The following AHNAK variants were observed in gnomAD, a reference collection of about 807,000 sequenced individuals.
AHNAK encodes AHNAK nucleoprotein, also known as neuroblast differentiation-associated protein AHNAK.
Under a neutral mutation model 37.8 loss-of-function variants are expected in AHNAK, and 23 were observed. The ratio of observed to expected loss-of-function variants is 0.61; its 90% CI spans 0.44 to 0.86. The LOEUF (loss-of-function observed/expected upper bound fraction) is 0.86, where lower values mean the gene tolerates loss of function less well. Among genes scored for constraint, AHNAK ranks in the 40% least tolerant of loss-of-function variants. The probability of loss-of-function intolerance (pLI) is 0.00; values close to 1 mark genes in which losing one functional copy is unlikely to be tolerated. For missense variants in AHNAK, 7,411 were observed against 7,319.4 expected (o/e 1.01, Z -0.46); for synonymous variants, 2,481 against 2,636.3 (o/e 0.94, Z 1.80).
At chr11:62,441,211 AG>A (rs1420921208) in intron 5 of AHNAK, among the ~76,000 whole-genome samples, 1 of 151,842 alleles carries the variant, frequency 6.6e-6, no homozygotes, top group African/African-American at 2.4e-5. Flanking sequence ...CATGTTGGCC[AG>A]GCTAGTCTCG....
Position 62,522,206 on chromosome 11 carries a change from G to A in AHNAK, c.12211C>T (p.Pro4071Ser). The A allele has an allele frequency of 6.2e-7, 1 of 1,613,018 alleles. No homozygotes were observed. The highest frequency in any genetic ancestry group is 8.5e-7 in the Non-Finnish European group (1 of 1,179,810). ...TCTGGGCCCTCTCCTTTAAATCCTGGCATGCTGAATTTGGGCATTTTCACC... is the reference window on the plus strand; with the variant it reads ...TCTGGGCCCTCTCCTTTAAATCCTGACATGCTGAATTTGGGCATTTTCACC... ...PKVKMPKFSM[P>S]GFKGEGPEVD... Residue 4071 changes from proline to serine, a missense_variant, in exon 5 of 5, where the codon CCA becomes TCA. By Grantham distance (74) the Pro-to-Ser change is moderately conservative. Transcript: ENST00000378024.
In AHNAK at chr11:62,519,754, G is replaced by A. The variant is rs554444712; in HGVS notation, c.14663C>T (p.Pro4888Leu). 1 of 1,613,204 alleles carries A rather than the reference G, an allele frequency of 6.2e-7. No homozygotes were observed. The highest frequency in any genetic ancestry group is 2.2e-5 in the East Asian group (1 of 44,864). ...LKGPEVDLKG[P>L]RLDFEGPDAK... ...ATCAGGGCCTTCGAAATCCAGACGT[G>A]GACCTTTAAGATCTACTTCTGGGCC... Residue 4888 changes from proline (P) to leucine (L), a missense_variant, in exon 5 of 5, where the codon CCA becomes CTA. Pro to Leu is a moderately conservative substitution (Grantham distance 98). Coordinates refer to ENST00000378024, the MANE Select transcript of AHNAK (RefSeq NM_001620.3).
chr11:62,435,502 C>G (rs1242645075), intron 5 of AHNAK, among the ~76,000 whole-genome samples: 1 of 152,020 alleles, frequency 6.6e-6, no homozygotes, highest in Non-Finnish European at 1.5e-5. Flanking sequence ...GCTCCGCCCC[C>G]CGGGGTTCCC....
intron 4 of AHNAK, among the ~76,000 whole-genome samples, chr11:62,508,075 T>C (rs893787806): frequency 3.3e-5 from 5 of 152,166 alleles, no homozygotes; most frequent in African/African-American, 9.7e-5. Flanking sequence ...TCCCAAAGCA[T>C]TGGGATTACA....
chr11:62,502,224 G>A (rs557349464), intron 4 of AHNAK, among the ~76,000 whole-genome samples: 1 of 152,180 alleles, frequency 6.6e-6, no homozygotes, highest in African/African-American at 2.4e-5. Context: ...AGTCCTGGGG[G>A]CTGGAATGGT....
chr11:62,521,600 C>G lies in AHNAK; in HGVS notation c.12817G>C (p.Gly4273Arg). Residue 4273 changes from glycine to arginine, a missense_variant, in exon 5 of 5, where the codon GGT (glycine) becomes CGT (arginine). Transcript: ENST00000378024. ...TTAGGAAGGGAAACATCCACATCAC[C>G]CTTCACCTTGGGACCTTTCAGATGC... ...DLHLKGPKVK[G>R]DVDVSLPKVE... The G allele has an allele frequency of 6.2e-7, 1 of 1,612,054 alleles. No individual in the cohort carries two copies. Among genetic ancestry groups the G allele is most frequent in the Non-Finnish European group, 8.5e-7 (1 of 1,179,608 alleles).
chr11:62,442,155 T>C (rs576896066), intron 5 of AHNAK, among the ~76,000 whole-genome samples: 8 of 152,356 alleles, frequency 5.3e-5, no homozygotes, highest in African/African-American at 1.7e-4. Context: ...CAGTTCCGTC[T>C]GTACTTATTT....
At position 62,532,379 on chromosome 11, in the gene AHNAK, G is replaced by C. The variant is rs368973941; in HGVS notation, c.2038C>G (p.Leu680Val). ...GGCAGCTTAACATCGGGGCCTTTAA[G>C]TTTTCCCCCCAGACCCTCCAAGTTG... is the stretch of plus-strand genomic sequence containing the variant. ...DVNLEGLGGK[L>V]KGPDVKLPDM... Residue 680 changes from leucine to valine, a missense_variant, in exon 5 of 5, where the codon CTT (leucine) becomes GTT (valine). Transcript: ENST00000378024. 1 of 1,614,084 alleles carries C rather than the reference G, an allele frequency of 6.2e-7. No individual in the cohort carries two copies. The highest frequency in any genetic ancestry group is 1.1e-5 in the South Asian group (1 of 91,080).
intron 1 of AHNAK, among the ~76,000 whole-genome samples, chr11:62,545,342 G>GCC (rs1941272772): frequency 6.6e-6 from 1 of 152,202 alleles, no homozygotes; most frequent in Admixed American, 6.5e-5. Context: ...ACACCCATCT[G>GCC]CCCCCTCCGC....
At chr11:62,536,256 G>A (rs1250634493) in intron 2 of AHNAK, 158 bp from the exon 3 acceptor site, 51 of 689,702 alleles carry the variant, frequency 7.4e-5, no homozygotes, top group Non-Finnish European at 1.1e-4. Context: ...GTGAGGTGTT[G>A]GGGGTGGGGT....
rs951718776 is a variant in AHNAK, at chr11:62,541,153, A to G, written c.-99-4586T>C. Among the ~76,000 whole-genome samples, 7 of 152,018 alleles carry G rather than the reference A, an allele frequency of 4.6e-5. No homozygotes were observed. The South Asian group carries it at 1.0e-3, about 23-fold the overall frequency. Reference sequence around the variant, plus strand: ...GGAGATGACAGGAATTGAAACACACACTCCCCCAGAGACAGGCCACAGGCC... The same window carrying G: ...GGAGATGACAGGAATTGAAACACACGCTCCCCCAGAGACAGGCCACAGGCC... On this transcript the variant is annotated intron_variant, in intron 1 of 4. Transcript: ENST00000378024.
chr11:62,494,108 T>C (rs1369975896), intron 4 of AHNAK, among the ~76,000 whole-genome samples: 2 of 152,134 alleles, frequency 1.3e-5, no homozygotes, highest in East Asian at 3.8e-4. Context: ...TGCATTTCTC[T>C]AACAATCGAT....
In AHNAK at chr11:62,439,654, AT is replaced by A. The variant is rs1273023981; in HGVS notation, c.443-5764del. Among the ~76,000 whole-genome samples the A allele has an allele frequency of 5.5e-5, 7 of 127,246 alleles. No homozygotes were observed. The Admixed American group carries it at 5.8e-4, about 11-fold the overall frequency. The allele number at this position is 127,246 out of a possible 152,430, so 83.5% of individuals were successfully genotyped here. A position where few individuals can be genotyped will look rare whatever the true frequency, so the allele number is the denominator to read the frequency against. On this transcript the variant is annotated intron_variant, in intron 5 of 5. Transcript: ENST00000257247. ...TGTCTTTCTTTTTGGTTTGTTTTGG[AT>A]TTTTGTGTGATTTTTTTTTTTTTTT...
At chr11:62,470,353 A>G (rs1237105061) in intron 5 of AHNAK, among the ~76,000 whole-genome samples, 1 of 152,072 alleles carries the variant, frequency 6.6e-6, no homozygotes, top group Non-Finnish European at 1.5e-5. Flanking sequence ...GGTTGAGGCA[A>G]GAGAATCGCT....
rs371314754 is a variant in AHNAK, at chr11:62,519,195, G to A, written c.15222C>T (p.Asp5074=). The A allele has an allele frequency of 9.3e-6, 15 of 1,612,898 alleles. No homozygotes were observed. In the Admixed American group the frequency reaches 1.0e-4, roughly 11 times the overall value. The change falls in exon 5 of 5, where the codon GAC becomes GAT. Residue 5074 remains aspartate (D), a synonymous_variant. Coordinates refer to ENST00000378024, the MANE Select transcript of AHNAK (RefSeq NM_001620.3). ...IAGPDAALKV[D]VKSPKTKKTM... is the part of the protein sequence containing the mutation. ...TTTTCTTGGTTTTGGGCGATTTCAC[G>A]TCGACTTTGAGTGCAGCATCCGGCC...
At position 62,521,627 on chromosome 11, in the gene AHNAK, A is replaced by G. The variant is rs1432441302; in HGVS notation, c.12790T>C (p.Leu4264=). 6 of 1,612,028 alleles carry G rather than the reference A, an allele frequency of 3.7e-6. No individual in the cohort carries two copies. The highest frequency in any genetic ancestry group is 5.1e-6 in the Non-Finnish European group (6 of 1,179,498). ...APKISMPDFD[L]HLKGPKVKGD... ...TTCACCTTGGGACCTTTCAGATGCA[A>G]ATCAAAGTCAGGCATGGAGATCTTG... is the stretch of plus-strand genomic sequence containing the variant. Residue 4264 remains leucine, a synonymous_variant, in exon 5 of 5, where the codon TTG becomes CTG. Transcript: ENST00000378024.
In AHNAK at chr11:62,522,850, A is replaced by G; in HGVS notation, c.11567T>C (p.Leu3856Ser). 3 of 1,611,984 alleles carry G rather than the reference A, an allele frequency of 1.9e-6. No individual in the cohort carries two copies. Among genetic ancestry groups the G allele is most frequent in the Non-Finnish European group, 2.5e-6 (3 of 1,179,502 alleles). ...AGGCATCTTGAATTTGGGACCTTTC[A>G]ACTTTCCCTCTGGGCCTTCGATATT... ...DVNIEGPEGK[L>S]KGPKFKMPEM... is the part of the protein sequence containing the mutation. Residue 3856 changes from leucine to serine, a missense_variant, in exon 5 of 5, where the codon TTG becomes TCG. Leu to Ser is a moderately radical substitution (Grantham distance 145, BLOSUM62 -2). Transcript: ENST00000378024.
rs368036186 is a variant in AHNAK, at chr11:62,517,852, T to G, written c.16565A>C (p.Glu5522Ala). 1 of 1,614,042 alleles carries G rather than the reference T, an allele frequency of 6.2e-7. No individual in the cohort carries two copies. The highest frequency in any genetic ancestry group is 8.5e-7 in the Non-Finnish European group (1 of 1,180,024). ...TGAACCTTTCAGACCACCTTTGATT[T>G]CAGGCCCAGAAATCTGCCCAGTTGG... The part of the protein sequence containing the change: ...KLPTGQISGP[E>A]IKGGLKGSEV... Residue 5522 changes from glutamate to alanine, a missense_variant, in exon 5 of 5, where the codon GAA becomes GCA. Physicochemically the swap from Glu to Ala is moderately radical, Grantham distance 107. Transcript: ENST00000378024.
At position 62,519,658 on chromosome 11, in the gene AHNAK, T is replaced by C. The variant is rs145447313; in HGVS notation, c.14759A>G (p.Asp4920Gly). 7.4e-6 allele frequency: 12 copies of C among 1,613,986 alleles called. No individual in the cohort carries two copies. The highest frequency in any genetic ancestry group is 9.3e-6 in the Non-Finnish European group (11 of 1,179,976). Residue 4920 changes from aspartate (D) to glycine (G), a missense_variant, in exon 5 of 5, where the codon GAT becomes GGT. Asp to Gly is a moderately conservative substitution (Grantham distance 94, BLOSUM62 -1). Coordinates refer to ENST00000378024, the MANE Select transcript of AHNAK (RefSeq NM_001620.3). ...TGGTGCCTTGAGATGCAAATCAACATCAGGAGCAGTTACTTTAGGAGCAGA... is the reference window on the plus strand; with the variant it reads ...TGGTGCCTTGAGATGCAAATCAACACCAGGAGCAGTTACTTTAGGAGCAGA... ...EISAPKVTAPDVDLHLKAPKI... is the reference protein window; with the variant it reads ...EISAPKVTAPGVDLHLKAPKI...
Sources: gnomAD v4.1 joint callset for allele counts (sites outside exome capture counted in the v4.1 genomes callset) on GRCh38, gnomAD v4.1.1 for gene constraint, MANE v1.5 for transcripts, NCBI Gene and HGNC (gene_info 2026-07-23, HGNC 2026-07-21) for gene names.